LRRC4C: variants seen among roughly 807,000 people sequenced by gnomAD.
The protein encoded by LRRC4C is leucine rich repeat containing 4C.
LRRC4C carries 5 observed loss-of-function variants against 33.6 expected under a neutral mutation model. That is an observed-to-expected ratio of 0.15 (90% CI 0.08 to 0.31). The LOEUF (loss-of-function observed/expected upper bound fraction) is 0.31, where lower values mean the gene tolerates loss of function less well. Among genes scored for constraint, LRRC4C ranks in the 10% least tolerant of loss-of-function variants. LRRC4C has a pLI of 1.00. For missense variants in LRRC4C, 560 were observed against 796.7 expected (o/e 0.70, Z 3.58); for synonymous variants, 329 against 302.0 (o/e 1.09, Z -0.93).
intron 1 of LRRC4C, among the ~76,000 whole-genome samples, chr11:40,980,205 T>A (rs952365612): frequency 2.0e-5 from 3 of 152,160 alleles, no homozygotes; most frequent in African/African-American, 7.2e-5. Flanking sequence ...AGCACTAAAA[T>A]GGGAATGCCA....
At chr11:40,470,392 A>G (rs1952870349) in intron 3 of LRRC4C, among the ~76,000 whole-genome samples, 1 of 152,246 alleles carries the variant, frequency 6.6e-6, no homozygotes, top group Non-Finnish European at 1.5e-5. Flanking sequence ...CATCAACATC[A>G]AAGACCAAAG....
At chr11:40,491,238 T>C (rs1209684072) in intron 3 of LRRC4C, among the ~76,000 whole-genome samples, 1 of 152,032 alleles carries the variant, frequency 6.6e-6, no homozygotes. Context: ...TGAGCTGAGA[T>C]TGCACCACTA....
chr11:41,079,169 G>GCTACAATTACATTCCCACTACT (rs1565363719), intron 1 of LRRC4C, among the ~76,000 whole-genome samples: 10 of 152,160 alleles, frequency 6.6e-5, no homozygotes, highest in Non-Finnish European at 1.5e-4. Flanking sequence ...TACTACATTT[G>GCTACAATTACATTCCCACTACT]GTTATGCAAA....
rs1955210558 is a variant in LRRC4C at position 41,430,903 on chromosome 11, CATGAGGA to C, written c.-496+28521_-496+28527del. On this transcript the variant is annotated intron_variant, in intron 1 of 6. Coordinates refer to ENST00000528697, the MANE Select transcript of LRRC4C (RefSeq NM_001258419.2). The stretch of plus-strand genomic sequence containing the variant: ...CTACCACTATAATATATGGAATTTA[CATGAGGA>C]ATACATTCTGATAGATAAAGTAATA... Among the ~76,000 whole-genome samples the C allele has an allele frequency of 2.0e-5, 3 of 152,044 alleles. No individual in the cohort carries two copies. The South Asian group carries it at 6.2e-4, about 32-fold the overall frequency.
chr11:40,937,078 T>C (rs558792971), intron 1 of LRRC4C, among the ~76,000 whole-genome samples: 1 of 152,318 alleles, frequency 6.6e-6, no homozygotes, highest in African/African-American at 2.4e-5. Context: ...TTTCCATCAA[T>C]GGCAGATTGG....
chr11:41,412,200 G>C (rs1275783928), intron 1 of LRRC4C, among the ~76,000 whole-genome samples: 1 of 151,954 alleles, frequency 6.6e-6, no homozygotes, highest in African/African-American at 2.4e-5. Context: ...TATGACCCCC[G>C]TCACTCACTG....
At chr11:40,893,694 A>T (rs1479319027) in intron 2 of LRRC4C, among the ~76,000 whole-genome samples, 1 of 152,106 alleles carries the variant, frequency 6.6e-6, no homozygotes, top group African/African-American at 2.4e-5. Flanking sequence ...CAAAATGCTT[A>T]CCAAATTATG....
At chr11:40,687,427 C>G (rs536255418) in intron 2 of LRRC4C, among the ~76,000 whole-genome samples, 1 of 152,112 alleles carries the variant, frequency 6.6e-6, no homozygotes, top group East Asian at 1.9e-4. Context: ...GATCGATCCT[C>G]TTTTCAATGA....
chr11:40,552,239 C>G (rs1029364960), intron 3 of LRRC4C, among the ~76,000 whole-genome samples: 7 of 152,170 alleles, frequency 4.6e-5, no homozygotes, highest in African/African-American at 1.7e-4. Flanking sequence ...CTCAAACATA[C>G]ATTTGTTGAA....
chr11:40,811,093 C>A (rs1460052360), intron 2 of LRRC4C, among the ~76,000 whole-genome samples: 2 of 152,108 alleles, frequency 1.3e-5, no homozygotes, highest in Non-Finnish European at 2.9e-5. Flanking sequence ...TTGATTCTCT[C>A]CTATGGATGT....
At chr11:40,969,055 T>C (rs1007721673) in intron 1 of LRRC4C, among the ~76,000 whole-genome samples, 1 of 152,136 alleles carries the variant, frequency 6.6e-6, no homozygotes, top group African/African-American at 2.4e-5. Flanking sequence ...ATTAAGAACA[T>C]TCATGATTCA....
intron 3 of LRRC4C, among the ~76,000 whole-genome samples, chr11:40,398,841 G>A (rs532121012): frequency 1.4e-3 from 206 of 152,138 alleles, no homozygotes; most frequent in African/African-American, 2.6e-3. Flanking sequence ...CCATCTTAAC[G>A]AATAAGCAAC....
chr11:40,323,265 T>C (rs1381203417), intron 3 of LRRC4C, among the ~76,000 whole-genome samples: 1 of 152,230 alleles, frequency 6.6e-6, no homozygotes, highest in African/African-American at 2.4e-5. Context: ...TGAAGGAATG[T>C]CCATTTGGAC....
chr11:41,129,089 T>C (rs1590690951), intron 1 of LRRC4C, among the ~76,000 whole-genome samples: 1 of 152,110 alleles, frequency 6.6e-6, no homozygotes, highest in East Asian at 1.9e-4. Context: ...TCTCTTTTAA[T>C]ATAAAAAGAA....
At chr11:40,826,949 A>G (rs894961443) in intron 2 of LRRC4C, among the ~76,000 whole-genome samples, 4 of 152,024 alleles carry the variant, frequency 2.6e-5, no homozygotes, top group African/African-American at 9.7e-5. Context: ...GAGAAATATT[A>G]CTATCCTTTG....
intron 4 of LRRC4C, among the ~76,000 whole-genome samples, chr11:40,260,549 T>TAA (rs538563323): frequency 3.5e-5 from 5 of 142,948 alleles, no homozygotes; most frequent in African/African-American, 1.0e-4. Flanking sequence ...AAACTTAAAG[T>TAA]AAAAAAAAAA....
intron 1 of LRRC4C, among the ~76,000 whole-genome samples, chr11:41,278,325 C>G (rs892750707): frequency 6.6e-6 from 1 of 152,090 alleles, no homozygotes; most frequent in Non-Finnish European, 1.5e-5. Flanking sequence ...TTAAGTGAAA[C>G]AAACTATAAC....
chr11:40,898,095 C>T (rs1956032185), intron 2 of LRRC4C, among the ~76,000 whole-genome samples: 1 of 152,006 alleles, frequency 6.6e-6, no homozygotes, highest in Admixed American at 6.5e-5. Flanking sequence ...TGGCTTACGC[C>T]TGTAATCCCA....
At chr11:41,377,641 T>C (rs556047300) in intron 1 of LRRC4C, among the ~76,000 whole-genome samples, 1 of 152,312 alleles carries the variant, frequency 6.6e-6, no homozygotes, top group African/African-American at 2.4e-5. Context: ...TATGCAGAAT[T>C]TCTCCACTTA....
Sources: allele counts gnomAD v4.1 joint callset (sites outside exome capture counted in the v4.1 genomes callset), GRCh38; gene constraint gnomAD v4.1.1; transcripts MANE v1.5; gene names NCBI Gene and HGNC (gene_info 2026-07-23, HGNC 2026-07-21).